Variants in GALNT17 observed in about 807,000 individuals in gnomAD.
The protein encoded by GALNT17 is polypeptide N-acetylgalactosaminyltransferase 17.
GALNT17 carries 29 observed loss-of-function variants against 63.7 expected under a neutral mutation model. The ratio of observed to expected loss-of-function variants is 0.46; its 90% CI spans 0.34 to 0.62. The LOEUF (loss-of-function observed/expected upper bound fraction) is 0.62, where lower values mean the gene tolerates loss of function less well. Among genes scored for constraint, GALNT17 ranks in the 20% least tolerant of loss-of-function variants. The probability of loss-of-function intolerance (pLI) is 0.01; values close to 1 mark genes in which losing one functional copy is unlikely to be tolerated. For synonymous variants in GALNT17, 305 were observed against 318.3 expected, an observed-to-expected ratio of 0.96 and a Z score of 0.45; for missense variants, 603 against 799.6, an observed-to-expected ratio of 0.75 and a Z score of 2.97.
At chr7:71,263,482 T>C (rs58567286) in intron 1 of GALNT17, among the ~76,000 whole-genome samples, 4,611 of 152,344 alleles carry the variant, frequency 0.03, 262 homozygotes, top group African/African-American at 0.1. Context: ...AATTTTGTTA[T>C]GGCAATGCTA....
At chr7:71,251,795 C>A (rs924903142) in intron 1 of GALNT17, among the ~76,000 whole-genome samples, 7 of 152,188 alleles carry the variant, frequency 4.6e-5, no homozygotes, top group African/African-American at 1.7e-4. Context: ...TCCCAACAGG[C>A]AGAAAAGCGT....
chr7:71,449,108 C>CTTTTT (rs59368494), intron 5 of GALNT17, among the ~76,000 whole-genome samples: 2,056 of 72,642 alleles, frequency 0.028, 426 homozygotes, highest in Middle Eastern at 0.065. Context: ...TGCCTATTTT[C>CTTTTT]TTTTTTTTTT....
At chr7:71,412,490 G>T (rs992798843) in intron 3 of GALNT17, among the ~76,000 whole-genome samples, 4 of 151,994 alleles carry the variant, frequency 2.6e-5, no homozygotes, top group African/African-American at 9.6e-5. Context: ...TCCTGCCTCA[G>T]CCCCGCTGAG....
At chr7:71,148,860 T>TATATATATATATATATATATA (rs1554333242) in intron 1 of GALNT17, among the ~76,000 whole-genome samples, 43 of 103,212 alleles carry the variant, frequency 4.2e-4, no homozygotes, top group Non-Finnish European at 6.0e-4. Context: ...TATGGTATTT[T>TATATATATATATATATATATA]TATATATATA....
intron 9 of GALNT17, among the ~76,000 whole-genome samples, chr7:71,681,704 C>T (rs1485046934): frequency 6.6e-6 from 1 of 152,206 alleles, no homozygotes; most frequent in Admixed American, 6.5e-5. Context: ...GAATAAGTCA[C>T]ATTTGAATGG....
rs140084909 is a variant in GALNT17, at chr7:71,207,997, C to T, written c.238+74957C>T. On this transcript the variant is annotated intron_variant, in intron 1 of 10. Coordinates refer to ENST00000333538, the MANE Select transcript of GALNT17 (RefSeq NM_022479.3). ...TTGCCCAGGCTGGAGTGCAGTGGCA[C>T]GATCATGGCTCACTGCAACCTCGAC... Among the ~76,000 whole-genome samples, 103 of 150,478 alleles carry T rather than the reference C, an allele frequency of 6.8e-4. 1 individual carries two copies. The highest frequency in any genetic ancestry group is 1.7e-3 in the African/African-American group (69 of 40,844).
At chr7:71,237,221 TC>T (rs1396989596) in intron 1 of GALNT17, among the ~76,000 whole-genome samples, 1 of 152,072 alleles carries the variant, frequency 6.6e-6, no homozygotes, top group African/African-American at 2.4e-5. Flanking sequence ...AAGTAGGCAT[TC>T]CCCCGGCAAG....
intron 1 of GALNT17, among the ~76,000 whole-genome samples, chr7:71,237,511 GAAAAAAAA>G (rs369921098): frequency 1.3e-5 from 1 of 78,124 alleles, no homozygotes; most frequent in African/African-American, 4.2e-5. Flanking sequence ...TCCCATCTCT[GAAAAAAAA>G]AAAAAAAAAA....
intron 2 of GALNT17, among the ~76,000 whole-genome samples, chr7:71,376,367 T>C (rs1249898940): frequency 6.6e-6 from 1 of 151,176 alleles, no homozygotes; most frequent in African/African-American, 2.4e-5. Flanking sequence ...TTACCCTTAA[T>C]TGTTTTTAGA....
intron 6 of GALNT17, among the ~76,000 whole-genome samples, chr7:71,634,065 A>C (rs1790494837): frequency 6.6e-6 from 1 of 152,236 alleles, no homozygotes; most frequent in South Asian, 2.1e-4. Flanking sequence ...CCCCTCGGGC[A>C]GTGACATCTC....
intron 5 of GALNT17, among the ~76,000 whole-genome samples, chr7:71,436,686 TC>T (rs10709830): frequency 0.11 from 16,632 of 149,898 alleles, 1,204 homozygotes; most frequent in Non-Finnish European, 0.15. Context: ...ACCACTGCAC[TC>T]CAGCCTGGGC....
At chr7:71,133,577 A>G (rs910671533) in intron 1 of GALNT17, among the ~76,000 whole-genome samples, 3 of 152,098 alleles carry the variant, frequency 2.0e-5, no homozygotes, top group African/African-American at 7.2e-5. Context: ...TCAGCTAAGA[A>G]TGAGGACTCC....
intron 6 of GALNT17, among the ~76,000 whole-genome samples, chr7:71,647,631 T>A (rs952994541): frequency 2.0e-5 from 3 of 152,188 alleles, no homozygotes; most frequent in African/African-American, 7.2e-5. Flanking sequence ...TACCATTGCT[T>A]CTGTGTGCTG....
intron 1 of GALNT17, among the ~76,000 whole-genome samples, chr7:71,223,129 A>T (rs1789617497): frequency 6.6e-6 from 1 of 152,132 alleles, no homozygotes; most frequent in South Asian, 2.1e-4. Flanking sequence ...GTTACAGTGG[A>T]GTGTAGAGGT....
At chr7:71,516,671 G>C (rs1788450105) in intron 5 of GALNT17, among the ~76,000 whole-genome samples, 1 of 152,088 alleles carries the variant, frequency 6.6e-6, no homozygotes, top group Admixed American at 6.6e-5. Context: ...TGAGTGACTT[G>C]AGATCAGCCC....
chr7:71,435,881 G>T (rs935207733), intron 5 of GALNT17, among the ~76,000 whole-genome samples: 2 of 152,020 alleles, frequency 1.3e-5, no homozygotes, highest in African/African-American at 2.4e-5. Flanking sequence ...TTAGCAGGGC[G>T]TGGTGGCGGA....
rs116153445 is a variant in GALNT17 at position 71,509,810 on chromosome 7, G to A, written c.963-61475G>A. 4.8e-3 allele frequency among the ~76,000 whole-genome samples: 730 copies of A among 152,278 alleles called. 12 individuals carry two copies. The highest frequency in any genetic ancestry group is 0.017 in the African/African-American group (698 of 41,566). ...GGCAGCTGGGGTTCAACCTGCCGGA[G>A]ATCCCCAGAGAAACGGGATGCAGCA... On this transcript the variant is annotated intron_variant, in intron 5 of 10. Transcript: ENST00000333538.
chr7:71,389,140 CT>C (rs370291975), intron 3 of GALNT17, among the ~76,000 whole-genome samples: 114 of 147,642 alleles, frequency 7.7e-4, no homozygotes, highest in Middle Eastern at 6.9e-3. Context: ...TACCCCTGCC[CT>C]TTTTTTTTTT....
chr7:71,529,174 C>T (rs937513032), intron 5 of GALNT17, among the ~76,000 whole-genome samples: 1 of 151,830 alleles, frequency 6.6e-6, no homozygotes, highest in African/African-American at 2.4e-5. Flanking sequence ...GAAAAAATTA[C>T]ATTACCAAGC....
Sources: allele counts gnomAD v4.1 joint callset (sites outside exome capture counted in the v4.1 genomes callset), GRCh38; gene constraint gnomAD v4.1.1; transcripts MANE v1.5; gene names NCBI Gene and HGNC (gene_info 2026-07-23, HGNC 2026-07-21).